Variants in UNC79 observed in about 807,000 individuals in gnomAD.
UNC79 encodes protein unc-79 homolog.
A neutral mutation model predicts 283.1 loss-of-function variants in UNC79; 37 were observed. The ratio of observed to expected loss-of-function variants is 0.13; its 90% confidence interval spans 0.10 to 0.17. UNC79 has a LOEUF of 0.17. Ranked by LOEUF, UNC79 falls within the 10% of genes least tolerant of loss-of-function variation. The probability of loss-of-function intolerance (pLI) is 1.00; values close to 1 mark genes in which losing one functional copy is unlikely to be tolerated. For missense variants in UNC79, 2,272 were observed against 3,211.1 expected, an observed-to-expected ratio of 0.71 and a Z score of 7.07; for synonymous variants, 1,107 against 1,200.2, an observed-to-expected ratio of 0.92 and a Z score of 1.61.
chr14:93,657,936 TCTTC>T (rs1262770860), intron 38 of UNC79, among the ~76,000 whole-genome samples: 1 of 152,204 alleles, frequency 6.6e-6, no homozygotes, highest in East Asian at 1.9e-4. Flanking sequence ...TGGTTGTCTG[TCTTC>T]CTTTTTTTTC....
chr14:93,532,597 T>TGTCGTTGG lies in UNC79; in HGVS notation c.1122+21_1122+28dup. ...GAAAAAGGTAAGAGCAAACCATTTG[T>TGTCGTTGG]GTCGTTGGGGCATGATTTATTGTGT... On this transcript the variant is annotated intron_variant, in intron 11 of 48. Transcript: ENST00000555664. 1 of 1,610,222 alleles carries TGTCGTTGG rather than the reference T, an allele frequency of 6.2e-7. No individual in the cohort carries two copies. Among genetic ancestry groups the TGTCGTTGG allele is most frequent in the Non-Finnish European group, 8.5e-7 (1 of 1,177,888 alleles).
chr14:93,456,433 A>G (rs2056798744), intron 1 of UNC79, among the ~76,000 whole-genome samples: 1 of 152,142 alleles, frequency 6.6e-6, no homozygotes, highest in African/African-American at 2.4e-5. Flanking sequence ...TATTGAAGGT[A>G]GATCATGAGT....
chr14:93,580,554 C>T (rs986068300), intron 19 of UNC79, among the ~76,000 whole-genome samples, 178 bp downstream of exon 19: 9 of 152,190 alleles, frequency 5.9e-5, no homozygotes, highest in African/African-American at 1.7e-4. Flanking sequence ...GAAAGGGATA[C>T]AAACTGAAGC....
At chr14:93,508,464 C>T (rs910844361) in intron 7 of UNC79, among the ~76,000 whole-genome samples, 5 of 152,056 alleles carry the variant, frequency 3.3e-5, no homozygotes, top group Admixed American at 2.6e-4. Flanking sequence ...ATCTGTGATT[C>T]CATTTGGAAA....
chr14:93,706,925 T>C (rs1349498923), downstream of UNC79: 4 of 1,613,342 alleles, frequency 2.5e-6, no homozygotes. Flanking sequence ...CGGCGCTCAG[T>C]GTCAACACTC....
intron 41 of UNC79, among the ~76,000 whole-genome samples, chr14:93,677,194 G>A (rs1433423800): frequency 6.6e-6 from 1 of 152,166 alleles, no homozygotes; most frequent in Admixed American, 6.5e-5. Context: ...TTAAAACAGA[G>A]TAGTTCCCTT....
chr14:93,628,174 C>T (rs1438151096), intron 30 of UNC79, among the ~76,000 whole-genome samples: 3 of 152,200 alleles, frequency 2.0e-5, no homozygotes, highest in Non-Finnish European at 2.9e-5. Flanking sequence ...CATAGCAAAA[C>T]ACAAGTTCTT....
chr14:93,646,506 C>T (rs2069621190), intron 34 of UNC79, 102 bp from the exon 38 acceptor site: 1 of 1,105,496 alleles, frequency 9.0e-7, no homozygotes, highest in Non-Finnish European at 1.3e-6. Context: ...ATACATGTCT[C>T]CCCATCTAAA....
chr14:93,604,169 A>G (rs1406292946), intron 26 of UNC79, among the ~76,000 whole-genome samples: 2 of 152,172 alleles, frequency 1.3e-5, no homozygotes, highest in Admixed American at 1.3e-4. Context: ...AATATGTTTA[A>G]ATATATTACT....
At chr14:93,676,364 A>G (rs1292357239) in intron 41 of UNC79, among the ~76,000 whole-genome samples, 1 of 124,674 alleles carries the variant, frequency 8.0e-6, no homozygotes, top group Non-Finnish European at 1.8e-5. Context: ...TTGGCCCAAA[A>G]AGATCTTTTT....
In UNC79 at chr14:93,474,988, A is replaced by C. The variant is rs985876735; in HGVS notation, c.448+595A>C. Among the ~76,000 whole-genome samples, 16 of 152,184 alleles carry C rather than the reference A, an allele frequency of 1.1e-4. No individual in the cohort carries two copies. Among genetic ancestry groups the C allele is most frequent in the African/African-American group, 3.9e-4 (16 of 41,450 alleles). On this transcript the variant is annotated intron_variant, in intron 3 of 48. Transcript: ENST00000555664. The surrounding 1 kb of genome is among the most constrained non-coding windows in gnomAD (Gnocchi z 4.1). ...TATGCTGTATTCAGCATATGGTATT[A>C]GTGGTGCTATGTGCTATTTGCAGTA... is the stretch of plus-strand genomic sequence containing the variant.
chr14:93,692,807 A>G (rs991014931), intron 46 of UNC79, among the ~76,000 whole-genome samples: 17 of 152,218 alleles, frequency 1.1e-4, no homozygotes, highest in Non-Finnish European at 1.0e-4. Context: ...TGGAGGATAT[A>G]TGGAAGGAAT....
intron 4 of UNC79, among the ~76,000 whole-genome samples, chr14:93,483,511 C>T (rs969935995): frequency 2.1e-5 from 3 of 144,982 alleles, no homozygotes; most frequent in African/African-American, 7.6e-5. Context: ...AGGACAAAGA[C>T]CTGTCTGTCT....
At chr14:93,348,011 GTCA>G in intron 1 of UNC79, 2 of 1,535,478 alleles carry the variant, frequency 1.3e-6, no homozygotes, top group Non-Finnish European at 1.8e-6. Context: ...AGCAGCGCGT[GTCA>G]TCTTCTCTTC....
At chr14:93,503,928 C>A (rs2059415702) in intron 7 of UNC79, among the ~76,000 whole-genome samples, 1 of 151,926 alleles carries the variant, frequency 6.6e-6, no homozygotes, top group African/African-American at 2.4e-5. Context: ...TTAGATGTAT[C>A]TGGAATTAAT....
chr14:93,547,091 A>G (rs1015059390), intron 14 of UNC79, among the ~76,000 whole-genome samples: 1 of 152,248 alleles, frequency 6.6e-6, no homozygotes, highest in Non-Finnish European at 1.5e-5. Context: ...TTTCTGTAGC[A>G]TGAAACATTA....
chr14:93,337,327 C>T (rs1372595292), intron 1 of UNC79, among the ~76,000 whole-genome samples: 3 of 152,250 alleles, frequency 2.0e-5, no homozygotes. Flanking sequence ...AAGTTTGTTT[C>T]CCCTCCAGTT....
At chr14:93,618,120 A>G in intron 28 of UNC79, 72 bp from the exon 30 acceptor site, 1 of 1,508,558 alleles carries the variant, frequency 6.6e-7, no homozygotes, top group East Asian at 2.3e-5. Context: ...AAAAGTATCC[A>G]GCAAGATCAG....
chr14:93,645,839 G>A (rs1408366122), intron 34 of UNC79, among the ~76,000 whole-genome samples: 2 of 152,098 alleles, frequency 1.3e-5, no homozygotes, highest in African/African-American at 4.8e-5. Flanking sequence ...AACTGGGAAT[G>A]GTGTCTGGTG....
Sources: gnomAD v4.1 joint callset for allele counts (sites outside exome capture counted in the v4.1 genomes callset) on GRCh38, gnomAD v4.1.1 for gene constraint, Gnocchi (gnomAD v3.1) non-coding constraint, MANE v1.5 for transcripts, NCBI Gene and HGNC (gene_info 2026-07-23, HGNC 2026-07-21) for gene names.